The following AHCTF1 variants were observed in gnomAD, a reference collection of about 807,000 sequenced individuals.
AHCTF1 encodes AT-hook containing transcription factor 1.
Under a neutral mutation model 248.4 loss-of-function variants are expected in AHCTF1, and 24 were observed. The observed-to-expected ratio is 0.10, with a 90% confidence interval of 0.07 to 0.14. The LOEUF (loss-of-function observed/expected upper bound fraction) is 0.14, where lower values mean the gene tolerates loss of function less well. AHCTF1 is among the 10% of genes least tolerant of loss of function. AHCTF1 has a pLI of 1.00. For missense variants in AHCTF1, 2,206 were observed against 2,636.2 expected, an observed-to-expected ratio of 0.84 and a Z score of 3.57; for synonymous variants, 786 against 929.8, an observed-to-expected ratio of 0.85 and a Z score of 2.81.
intron 3 of AHCTF1, among the ~76,000 whole-genome samples, chr1:246,914,425 A>G (rs1053402331): frequency 6.6e-6 from 1 of 152,220 alleles, no homozygotes; most frequent in Non-Finnish European, 1.5e-5. Flanking sequence ...GTAACTTACT[A>G]CAGACAAAAG....
intron 14 of AHCTF1, among the ~76,000 whole-genome samples, chr1:246,892,264 T>TA (rs1157945860): frequency 6.7e-6 from 1 of 149,220 alleles, no homozygotes; most frequent in African/African-American, 2.4e-5. Flanking sequence ...GTCTTCATTC[T>TA]AAAATCCTTC....
At chr1:246,924,851 G>A (rs922052519) in intron 1 of AHCTF1, among the ~76,000 whole-genome samples, 1 of 123,036 alleles carries the variant, frequency 8.1e-6, no homozygotes, top group Non-Finnish European at 1.7e-5. Flanking sequence ...AGATCCAAAA[G>A]TCTAACCTAA....
At chr1:246,916,035 T>C in intron 3 of AHCTF1, 107 bp downstream of exon 3, 1 of 1,284,552 alleles carries the variant, frequency 7.8e-7, no homozygotes, top group Admixed American at 2.6e-5. Context: ...AGTATACAAA[T>C]TGTAAATGTT....
intron 35 of AHCTF1, among the ~76,000 whole-genome samples, chr1:246,841,777 T>C (rs1252642602): frequency 6.6e-6 from 1 of 151,930 alleles, no homozygotes; most frequent in African/African-American, 2.4e-5. Flanking sequence ...CCATCCTCCT[T>C]TTATTATTTT....
chr1:246,873,856 C>T (rs1368633072), intron 24 of AHCTF1, among the ~76,000 whole-genome samples: 1 of 152,178 alleles, frequency 6.6e-6, no homozygotes, highest in Non-Finnish European at 1.5e-5. Context: ...TTGACTAACA[C>T]ATGTATAGTA....
chr1:246,917,002 T>A (rs1331511143), intron 2 of AHCTF1, among the ~76,000 whole-genome samples: 1 of 152,252 alleles, frequency 6.6e-6, no homozygotes, highest in Non-Finnish European at 1.5e-5. Flanking sequence ...TCTCCGCCTA[T>A]TAGTCATGTT....
At chr1:246,893,188 G>A (rs888789909) in intron 14 of AHCTF1, among the ~76,000 whole-genome samples, 20 of 152,058 alleles carry the variant, frequency 1.3e-4, no homozygotes, top group African/African-American at 4.8e-4. Context: ...AAAAAATGAG[G>A]ACATTTTTAC....
intron 33 of AHCTF1, 69 bp downstream of exon 33, chr1:246,849,546 A>G: frequency 6.6e-7 from 1 of 1,519,856 alleles, no homozygotes; most frequent in Non-Finnish European, 8.8e-7. Flanking sequence ...CATTTTTAGG[A>G]CAAATAACCA....
chr1:246,843,820 T>C lies in AHCTF1; in HGVS notation c.6500A>G (p.Asn2167Ser), dbSNP rs1180379218. The C allele has an allele frequency of 8.1e-6, 12 of 1,475,988 alleles. No individual in the cohort carries two copies. The highest frequency in any genetic ancestry group is 5.7e-5 in the African/African-American group (4 of 69,828). 91.4% of individuals were successfully genotyped at this position (1,475,988 alleles called of 1,614,324 possible). A position where few individuals can be genotyped will look rare whatever the true frequency, so the allele number is the denominator to read the frequency against. The change falls in exon 34 of 36, where the codon AAT becomes AGT. Residue 2167 changes from asparagine (N) to serine (S), a missense_variant. Physicochemically the swap from Asn to Ser is conservative, Grantham distance 46. Transcript: ENST00000648844. ...ALRSRQKNTS[N>S]KNKLEDELKD... ...CAGTTCATCTTCAAGCTTGTTCTTA[T>C]TGGATGTGTTTTTTTGTCTGCTCCT...
rs1254605415 is a variant in AHCTF1, at chr1:246,920,164, A to AG, written c.-7-1788_-7-1787insC. On this transcript the variant is annotated intron_variant, in intron 1 of 35. Transcript: ENST00000648844. ...CCGCAAAAAAAAAAAAAAAAAAAAA[A>AG]AAAAGAAAAGAAGCTCACAGTCCAA... Among the ~76,000 whole-genome samples the AG allele has an allele frequency of 4.3e-3, 637 of 149,544 alleles. 13 individuals are homozygous for AG. Among genetic ancestry groups the AG allele is most frequent in the African/African-American group, 0.015 (605 of 40,312 alleles).
At chr1:246,916,527 T>A in intron 2 of AHCTF1, 132 bp from the exon 3 acceptor site, 2 of 834,454 alleles carry the variant, frequency 2.4e-6, no homozygotes, top group South Asian at 1.9e-5. Context: ...TGAAATCTTT[T>A]AATCAAGCAA....
At chr1:246,845,839 G>A (rs566225758) in intron 33 of AHCTF1, among the ~76,000 whole-genome samples, 61 of 152,202 alleles carry the variant, frequency 4.0e-4, no homozygotes, top group African/African-American at 1.3e-3. Flanking sequence ...AGCATTTGCT[G>A]ATTTCTAAGG....
intron 1 of AHCTF1, among the ~76,000 whole-genome samples, chr1:246,918,995 T>C (rs560748774): frequency 3.3e-5 from 5 of 152,362 alleles, no homozygotes; most frequent in African/African-American, 1.2e-4. Context: ...GTTTGGTACA[T>C]ATCTTTTGCA....
intron 33 of AHCTF1, among the ~76,000 whole-genome samples, chr1:246,846,556 C>G (rs1660274757): frequency 6.6e-6 from 1 of 151,922 alleles, no homozygotes; most frequent in Non-Finnish European, 1.5e-5. Flanking sequence ...GTTTCTTATC[C>G]CTTCCAATCC....
intron 14 of AHCTF1, among the ~76,000 whole-genome samples, chr1:246,892,299 TAC>T (rs1234520789): frequency 7.3e-6 from 1 of 136,928 alleles, no homozygotes; most frequent in Non-Finnish European, 1.6e-5. Flanking sequence ...TAATTTGTTT[TAC>T]TTTTTTTTTT....
intron 15 of AHCTF1, 28 bp from the exon 16 acceptor site, chr1:246,891,088 T>C: frequency 6.9e-7 from 1 of 1,448,162 alleles, no homozygotes; most frequent in Non-Finnish European, 9.2e-7. Flanking sequence ...CATCAGTTGT[T>C]TACTTACAAA....
intron 1 of AHCTF1, among the ~76,000 whole-genome samples, chr1:246,921,499 G>A (rs1003847231): frequency 6.6e-6 from 1 of 152,170 alleles, no homozygotes; most frequent in African/African-American, 2.4e-5. Flanking sequence ...TATTCAGAAT[G>A]CAGCACAAAG....
Position 246,907,635 on chromosome 1 carries a change from C to G in AHCTF1, c.680G>C (p.Ser227Thr), listed in dbSNP as rs1005896447. The change falls in exon 5 of 36, where the codon AGT becomes ACT. Residue 227 changes from serine (S) to threonine (T), a missense_variant. Ser to Thr is a moderately conservative substitution (Grantham distance 58). This residue lies in a region of AHCTF1 where 650 missense variants were observed against 870.8 expected (regional missense o/e 0.75). Coordinates refer to ENST00000648844, the MANE Select transcript of AHCTF1 (RefSeq NM_001323342.2). ...SPTGTAVSTL[S>T]YISRTNQLAV... The stretch of plus-strand genomic sequence containing the variant: ...AAGCTGATTTGTCCTGCTTATGTAA[C>G]TAAGAGTTGAAACAGCTGTTCCTGT... The G allele has an allele frequency of 3.1e-6, 5 of 1,613,734 alleles. No individual in the cohort carries two copies. Among genetic ancestry groups the G allele is most frequent in the Non-Finnish European group, 4.2e-6 (5 of 1,179,836 alleles).
At chr1:246,866,415 T>C (rs2103077351) in intron 26 of AHCTF1, among the ~76,000 whole-genome samples, 1 of 152,300 alleles carries the variant, frequency 6.6e-6, no homozygotes, top group South Asian at 2.1e-4. Flanking sequence ...AATACCATCT[T>C]ACCAGAGTAA....
Sources: gnomAD v4.1 joint callset for allele counts (sites outside exome capture counted in the v4.1 genomes callset) on GRCh38, gnomAD v4.1.1 for gene constraint, gnomAD v4.1.1 regional missense constraint, MANE v1.5 for transcripts, NCBI Gene and HGNC (gene_info 2026-07-23, HGNC 2026-07-21) for gene names.